LILRA2: variants seen among roughly 807,000 people sequenced by gnomAD.
LILRA2 encodes leukocyte immunoglobulin like receptor A2, also known as leukocyte immunoglobulin-like receptor subfamily A member 2.
LILRA2 carries 45 observed loss-of-function variants against 47.9 expected under a neutral mutation model. The observed-to-expected ratio is 0.94, with a 90% CI of 0.74 to 1.20. The LOEUF is 1.20. LILRA2 is among the 50% of genes most tolerant of loss of function. The pLI, the probability that LILRA2 is intolerant of heterozygous loss-of-function variation, is 0.00. For synonymous variants in LILRA2, 279 were observed against 249.2 expected, an observed-to-expected ratio of 1.12 and a Z score of -1.13; for missense variants, 651 against 598.2, an observed-to-expected ratio of 1.09 and a Z score of -0.92.
Position 54,574,561 on chromosome 19 carries a change from C to T in LILRA2, c.331C>T (p.Pro111Ser). The change falls in exon 3 of 8, where the codon CCC becomes TCC. Residue 111 changes from proline (P) to serine (S), a missense_variant. Transcript: ENST00000391738. Reference sequence around the variant, plus strand: ...CAATCACTCATCAGAGTACAGTGACCCCCTGGAGCTGGTGGTGACAGGTGA... The same window carrying T: ...CAATCACTCATCAGAGTACAGTGACTCCCTGGAGCTGGTGGTGACAGGTGA... ...SHNHSSEYSD[P>S]LELVVTGAYS... is the part of the protein sequence containing the mutation. 2.5e-6 allele frequency: 4 copies of T among 1,613,966 alleles called. No individual in the cohort carries two copies. Among genetic ancestry groups the T allele is most frequent in the Non-Finnish European group, 3.4e-6 (4 of 1,179,884 alleles).
At chr19:54,586,975 G>A in intron 6 of LILRA2, 35 bp from the exon 7 acceptor site, 1 of 1,558,732 alleles carries the variant, frequency 6.4e-7, no homozygotes, top group Non-Finnish European at 8.8e-7. Context: ...AGTGAGGCTG[G>A]GCTCAGGGCT....
At chr19:54,584,055 G>A (rs1479043453) in intron 6 of LILRA2, among the ~76,000 whole-genome samples, 2 of 152,142 alleles carry the variant, frequency 1.3e-5, no homozygotes, top group East Asian at 3.9e-4. Flanking sequence ...TGATATGACA[G>A]TCTGGGTTGA....
Position 54,574,759 on chromosome 19 carries a change from T to G in LILRA2, c.381T>G (p.Ala127=). The G allele has an allele frequency of 6.2e-7, 1 of 1,612,988 alleles. No individual in the cohort carries two copies. The highest frequency in any genetic ancestry group is 8.5e-7 in the Non-Finnish European group (1 of 1,179,792). Residue 127 remains alanine, a synonymous_variant, in exon 4 of 8, where the codon GCT becomes GCG. Transcript: ENST00000391738. Reference sequence around the variant, plus strand: ...CCTACAGCAAACCCACCCTCTCAGCTCTGCCCAGCCCTGTGGTGACCTCAG... The same window carrying G: ...CCTACAGCAAACCCACCCTCTCAGCGCTGCCCAGCCCTGTGGTGACCTCAG... The part of the protein sequence containing the change: ...TGAYSKPTLS[A]LPSPVVTSGG...
In LILRA2 at chr19:54,573,831, C is replaced by A. The variant is rs1389462377; in HGVS notation, c.-48C>A. ...CCTGTGCGTCTCTCTGTCCTGCCAGCACTGAGGGCTCATCCATCCGCAGAG... is the reference window on the plus strand; with the variant it reads ...CCTGTGCGTCTCTCTGTCCTGCCAGAACTGAGGGCTCATCCATCCGCAGAG... On this transcript the variant is annotated 5_prime_UTR_variant, in exon 1 of 8. Coordinates refer to ENST00000391738, the MANE Select transcript of LILRA2 (RefSeq NM_001130917.3). 6.2e-7 allele frequency: 1 copy of A among 1,614,032 alleles called. No individual in the cohort carries two copies. Among genetic ancestry groups the A allele is most frequent in the East Asian group, 2.2e-5 (1 of 44,876 alleles).
chr19:54,576,738 C>G (rs906792527), intron 6 of LILRA2, among the ~76,000 whole-genome samples: 2 of 152,272 alleles, frequency 1.3e-5, no homozygotes, highest in African/African-American at 4.8e-5. Flanking sequence ...GCCGTCACCT[C>G]TCATGGGGGA....
rs200881346 is a variant in LILRA2 at position 54,575,031 on chromosome 19, C to G, written c.653C>G (p.Pro218Arg). The G allele has an allele frequency of 6.2e-7, 1 of 1,612,788 alleles. No individual in the cohort carries two copies. The highest frequency in any genetic ancestry group is 8.5e-7 in the Non-Finnish European group (1 of 1,179,082). ...LPSDLLELLV[P>R]GVSKKPSLSV... ...AGTGATCTCCTGGAGCTCCTGGTCC[C>G]AGGTGAGAAATTCACAGAATTGCTT... Residue 218 changes from proline to arginine, a missense_variant and splice_region_variant, in exon 4 of 8, where the codon CCA becomes CGA. Pro to Arg is a moderately radical substitution (Grantham distance 103). Transcript: ENST00000391738.
rs2062298474 is a variant in LILRA2, at chr19:54,574,508, G to A, written c.278G>A (p.Gly93Glu). Residue 93 changes from glycine to glutamate, a missense_variant, in exon 3 of 8, where the codon GGG (glycine) becomes GAG (glutamate). Physicochemically the swap from Gly to Glu is moderately conservative, Grantham distance 98. Coordinates refer to ENST00000391738, the MANE Select transcript of LILRA2 (RefSeq NM_001130917.3). Reference sequence around the variant, plus strand: ...CCATCCATCACCTGGGAACACGCAGGGCGGTATCACTGTCAGTACTACAGC... The same window carrying A: ...CCATCCATCACCTGGGAACACGCAGAGCGGTATCACTGTCAGTACTACAGC... ...PIPSITWEHA[G>E]RYHCQYYSHN... 6.2e-7 allele frequency: 1 copy of A among 1,614,134 alleles called. No homozygotes were observed. The highest frequency in any genetic ancestry group is 8.5e-7 in the Non-Finnish European group (1 of 1,180,006).
chr19:54,586,573 A>G (rs1376315585), intron 6 of LILRA2, among the ~76,000 whole-genome samples: 1 of 152,150 alleles, frequency 6.6e-6, no homozygotes, highest in Non-Finnish European at 1.5e-5. Flanking sequence ...CCCCTCCTCC[A>G]TGGAGCCTGG....
At chr19:54,586,781 G>T (rs187598502) in intron 6 of LILRA2, among the ~76,000 whole-genome samples, 1 of 152,170 alleles carries the variant, frequency 6.6e-6, no homozygotes, top group South Asian at 2.1e-4. Flanking sequence ...GAGCTCCCGG[G>T]ATGCAGGAAA....
chr19:54,573,951 G>A, intron 1 of LILRA2, 39 bp downstream of exon 1: 15 of 1,613,292 alleles, frequency 9.3e-6, no homozygotes, highest in Non-Finnish European at 1.3e-5. Context: ...TAACCTAGGA[G>A]GGACCTCACC....
intron 6 of LILRA2, among the ~76,000 whole-genome samples, chr19:54,584,778 A>G (rs1268699175): frequency 6.6e-6 from 1 of 152,086 alleles, no homozygotes; most frequent in African/African-American, 2.4e-5. Flanking sequence ...ACTTCCATCA[A>G]CTTGTCAAAC....
intron 6 of LILRA2, among the ~76,000 whole-genome samples, chr19:54,581,934 T>C (rs2062649917): frequency 6.6e-6 from 1 of 152,222 alleles, no homozygotes; most frequent in Admixed American, 6.5e-5. Context: ...CTGTTATTAT[T>C]TTGAGATATG....
intron 6 of LILRA2, 23 bp downstream of exon 6, chr19:54,576,132 C>G: frequency 6.2e-7 from 1 of 1,612,778 alleles, no homozygotes; most frequent in Non-Finnish European, 8.5e-7. Flanking sequence ...ATCTTGTCCT[C>G]TCCGAGCTCA....
At chr19:54,586,559 C>T (rs2062814092) in intron 6 of LILRA2, among the ~76,000 whole-genome samples, 1 of 152,176 alleles carries the variant, frequency 6.6e-6, no homozygotes, top group South Asian at 2.1e-4. Flanking sequence ...CCCCTGAGGT[C>T]CAACCCCTCC....
At chr19:54,577,420 G>A in intron 6 of LILRA2, 5 of 1,232,110 alleles carry the variant, frequency 4.1e-6, no homozygotes, top group South Asian at 2.7e-5. Flanking sequence ...TTGGAGAGAG[G>A]ACAGATGGAC....
At chr19:54,577,431 A>C in intron 6 of LILRA2, 1 of 1,251,714 alleles carries the variant, frequency 8.0e-7, no homozygotes, top group South Asian at 1.3e-5. Context: ...ACAGATGGAC[A>C]GTGTATTGGC....
intron 6 of LILRA2, among the ~76,000 whole-genome samples, chr19:54,578,310 G>C (rs2062538421): frequency 6.6e-6 from 1 of 151,758 alleles, no homozygotes; most frequent in Non-Finnish European, 1.5e-5. Flanking sequence ...CCCGGTGTGT[G>C]ATGTTCCCCG....
rs1364424972 is a variant in LILRA2 at position 54,588,620 on chromosome 19, A to AG, written c.*1274_*1275insG. The AG allele has an allele frequency of 2.0e-5, 3 of 151,056 alleles. No homozygotes were observed. Among genetic ancestry groups the AG allele is most frequent in the Non-Finnish European group, 2.9e-5 (2 of 67,888 alleles). 9.4% of individuals were successfully genotyped at this position (151,056 alleles called of 1,614,324 possible). A position where few individuals can be genotyped will look rare whatever the true frequency, so the allele number is the denominator to read the frequency against. Reference sequence around the variant, plus strand: ...GACTCCGTCTCAAAAAAAAAAAAAAATCCAAGTACAACATAAGAAAAATGT... The same window carrying AG: ...GACTCCGTCTCAAAAAAAAAAAAAAAGTCCAAGTACAACATAAGAAAAATGT... On this transcript the variant is annotated 3_prime_UTR_variant, in exon 8 of 8. Coordinates refer to ENST00000391738, the MANE Select transcript of LILRA2 (RefSeq NM_001130917.3).
In LILRA2 at chr19:54,574,071, T is replaced by C. The variant is rs1190320936; in HGVS notation, c.35-5T>C. 1 of 1,614,138 alleles carries C rather than the reference T, an allele frequency of 6.2e-7. No homozygotes were observed. The highest frequency in any genetic ancestry group is 1.1e-5 in the South Asian group (1 of 91,084). ...AAAAATCCCTCACAGGGAACTCTCT[T>C]CCAGGGCTGAGTCTGGGCCCCAGGA... is the stretch of plus-strand genomic sequence containing the variant. On this transcript the variant is annotated splice_region_variant and splice_polypyrimidine_tract_variant and intron_variant, in intron 1 of 7. Coordinates refer to ENST00000391738, the MANE Select transcript of LILRA2 (RefSeq NM_001130917.3).
Sources: allele counts gnomAD v4.1 joint callset (sites outside exome capture counted in the v4.1 genomes callset), GRCh38; gene constraint gnomAD v4.1.1; transcripts MANE v1.5; gene names NCBI Gene and HGNC (gene_info 2026-07-23, HGNC 2026-07-21).